Variants in DTNA observed in about 807,000 individuals in gnomAD.
DTNA encodes the protein dystrophin-related protein 3.
In DTNA, 43 loss-of-function variants were observed where a neutral mutation model predicts 100.7. That is an observed-to-expected ratio of 0.43 (90% CI 0.33 to 0.55). The LOEUF is 0.55. Among genes scored for constraint, DTNA ranks in the 20% least tolerant of loss-of-function variants. The pLI, the probability that DTNA is intolerant of heterozygous loss-of-function variation, is 0.04. For synonymous variants in DTNA, 349 were observed against 347.9 expected (o/e 1.00, Z -0.04); for missense variants, 798 against 953.9 (o/e 0.84, Z 2.15).
intron 1 of DTNA, among the ~76,000 whole-genome samples, chr18:34,573,169 C>A (rs2047757981): frequency 6.6e-6 from 1 of 152,162 alleles, no homozygotes; most frequent in Non-Finnish European, 1.5e-5. Flanking sequence ...TTCTATATTT[C>A]TGCTTTCCTT....
chr18:34,596,246 G>A (rs1161880852), intron 1 of DTNA, among the ~76,000 whole-genome samples: 1 of 151,976 alleles, frequency 6.6e-6, no homozygotes, highest in East Asian at 1.9e-4. Context: ...GTTTTATTCT[G>A]TTGCCCAGGC....
At chr18:34,612,764 T>C (rs878856875) in intron 1 of DTNA, among the ~76,000 whole-genome samples, 1 of 152,212 alleles carries the variant, frequency 6.6e-6, no homozygotes, top group African/African-American at 2.4e-5. Context: ...TCCCCACCAA[T>C]GTGCCTTGTT....
intron 1 of DTNA, among the ~76,000 whole-genome samples, chr18:34,675,646 T>A (rs2077314917): frequency 6.6e-6 from 1 of 152,242 alleles, no homozygotes; most frequent in Non-Finnish European, 1.5e-5. Context: ...TATTTCACCC[T>A]ACCTTGTTTA....
intron 1 of DTNA, among the ~76,000 whole-genome samples, chr18:34,726,184 C>G (rs1269828804): frequency 2.0e-5 from 3 of 152,006 alleles, no homozygotes; most frequent in African/African-American, 7.2e-5. Flanking sequence ...CCACATGGCA[C>G]ATGTATACCT....
chr18:34,848,540 G>C (rs1164878171), intron 14 of DTNA, among the ~76,000 whole-genome samples, 157 bp downstream of exon 14: 1 of 151,852 alleles, frequency 6.6e-6, no homozygotes, highest in African/African-American at 2.4e-5. Context: ...GTGTCTTGGT[G>C]GTGAATTTAC....
chr18:34,819,471 C>G (rs1047051097), intron 8 of DTNA, among the ~76,000 whole-genome samples: 2 of 152,180 alleles, frequency 1.3e-5, no homozygotes, highest in African/African-American at 2.4e-5. Flanking sequence ...TGAACTACAA[C>G]TTAGTTTAGA....
intron 1 of DTNA, among the ~76,000 whole-genome samples, chr18:34,595,440 CTA>C (rs2050401312): frequency 6.6e-6 from 1 of 151,732 alleles, no homozygotes; most frequent in African/African-American, 2.4e-5. Context: ...GAATGTTAAA[CTA>C]TGTGGCCAAA....
In DTNA at chr18:34,889,523, C is replaced by T; in HGVS notation, c.*1789C>T. ...TTTTGCTTCTGGGGCTGGCAAAAACCTTCTCTGAACCCACACACCAAGTTC... is the reference window on the plus strand; with the variant it reads ...TTTTGCTTCTGGGGCTGGCAAAAACTTTCTCTGAACCCACACACCAAGTTC... On this transcript the variant is annotated 3_prime_UTR_variant, in exon 23 of 23. Coordinates refer to ENST00000444659, the MANE Select transcript of DTNA (RefSeq NM_001386795.1). The T allele has an allele frequency of 1.0e-6, 1 of 985,406 alleles. No homozygotes were observed. Among genetic ancestry groups the T allele is most frequent in the East Asian group, 1.1e-4 (1 of 8,810 alleles). The allele number at this position is 985,406 out of a possible 1,614,324, so 61.0% of individuals were successfully genotyped here.
In DTNA at chr18:34,833,829, G is replaced by A. The variant is rs16966054; in HGVS notation, c.1176-4265G>A. On this transcript the variant is annotated intron_variant, in intron 11 of 22. Coordinates refer to ENST00000444659, the MANE Select transcript of DTNA (RefSeq NM_001386795.1). ...TGAATGCCAAATAGTTCTCAGTTTCGGAGCTTAAAAGGAAGAATGCATTCT... is the reference window on the plus strand; with the variant it reads ...TGAATGCCAAATAGTTCTCAGTTTCAGAGCTTAAAAGGAAGAATGCATTCT... 4.4e-3 allele frequency among the ~76,000 whole-genome samples: 676 copies of A among 152,252 alleles called. 6 individuals are homozygous for A. Among genetic ancestry groups the A allele is most frequent in the African/African-American group, 0.016 (654 of 41,548 alleles).
At chr18:34,611,190 G>A (rs1437048583) in intron 1 of DTNA, among the ~76,000 whole-genome samples, 4 of 152,064 alleles carry the variant, frequency 2.6e-5, no homozygotes, top group Non-Finnish European at 5.9e-5. Context: ...AAATTCTCTT[G>A]GATCTTAACA....
At chr18:34,680,106 T>G (rs1329936204) in intron 1 of DTNA, among the ~76,000 whole-genome samples, 1 of 152,136 alleles carries the variant, frequency 6.6e-6, no homozygotes, top group East Asian at 1.9e-4. Context: ...TGGGAGGTTT[T>G]GCTTAGAATT....
intron 16 of DTNA, among the ~76,000 whole-genome samples, chr18:34,861,213 CG>C (rs1283237651): frequency 6.6e-6 from 1 of 152,048 alleles, no homozygotes; most frequent in Non-Finnish European, 1.5e-5. Context: ...CGGCCGGGCG[CG>C]GTGGCTCACA....
intron 4 of DTNA, among the ~76,000 whole-genome samples, chr18:34,802,921 C>G (rs1296259541): frequency 2.0e-5 from 3 of 152,118 alleles, no homozygotes; most frequent in Non-Finnish European, 4.4e-5. Context: ...AAGGCCCCCT[C>G]TTTAAAATTG....
intron 1 of DTNA, among the ~76,000 whole-genome samples, chr18:34,583,598 T>C (rs533479666): frequency 3.9e-4 from 59 of 151,942 alleles, no homozygotes; most frequent in Non-Finnish European, 7.8e-4. Context: ...TTTTTTTTTT[T>C]TAATGGAAAT....
intron 1 of DTNA, among the ~76,000 whole-genome samples, chr18:34,606,209 A>G (rs548197252): frequency 6.7e-6 from 1 of 149,698 alleles, no homozygotes; most frequent in African/African-American, 2.5e-5. Context: ...TATTTTTTTT[A>G]CCTATTTCTT....
chr18:34,884,493 C>T (rs1333544346), intron 21 of DTNA, among the ~76,000 whole-genome samples: 1 of 151,362 alleles, frequency 6.6e-6, no homozygotes, highest in African/African-American at 2.5e-5. Context: ...GAGACTATAA[C>T]AGGCCTGTGT....
intron 1 of DTNA, among the ~76,000 whole-genome samples, chr18:34,592,467 A>AACACACACAC (rs3078085): frequency 0.037 from 5,090 of 139,440 alleles, 120 homozygotes; most frequent in African/African-American, 0.054. Context: ...ACACTTGTAT[A>AACACACACAC]ACACACACAC....
At chr18:34,566,898 T>C (rs1373254400) in intron 1 of DTNA, among the ~76,000 whole-genome samples, 1 of 152,236 alleles carries the variant, frequency 6.6e-6, no homozygotes, top group African/African-American at 2.4e-5. Flanking sequence ...GAAGCCATCA[T>C]CACCTTTTTT....
At chr18:34,840,739 C>A (rs771293302) in intron 13 of DTNA, among the ~76,000 whole-genome samples, 4 of 152,106 alleles carry the variant, frequency 2.6e-5, no homozygotes, top group Non-Finnish European at 4.4e-5. Flanking sequence ...TAAGGCCAAC[C>A]AATCAATGAA....
Sources: allele counts gnomAD v4.1 joint callset (sites outside exome capture counted in the v4.1 genomes callset), GRCh38; gene constraint gnomAD v4.1.1; transcripts MANE v1.5; gene names NCBI Gene and HGNC (gene_info 2026-07-23, HGNC 2026-07-21).